Variants in FER observed in about 807,000 individuals in gnomAD.
FER encodes the protein FER tyrosine kinase, also known as tyrosine-protein kinase Fer.
FER carries 63 observed loss-of-function variants against 111.0 expected under a neutral mutation model. That is an observed-to-expected ratio of 0.57 (90% confidence interval 0.46 to 0.70). The LOEUF is 0.70. Among genes scored for constraint, FER ranks in the 30% least tolerant of loss-of-function variants. The pLI is 0.00. For missense variants in FER, 914 were observed against 954.0 expected, an observed-to-expected ratio of 0.96 and a Z score of 0.55; for synonymous variants, 327 against 313.9, an observed-to-expected ratio of 1.04 and a Z score of -0.44.
chr5:109,002,684 C>A (rs527667218), intron 13 of FER, among the ~76,000 whole-genome samples: 3 of 152,130 alleles, frequency 2.0e-5, no homozygotes, highest in African/African-American at 7.2e-5. Flanking sequence ...AGTGAACAGG[C>A]AACCTACAAA....
At chr5:108,777,590 T>A (rs1753629083) in intron 2 of FER, among the ~76,000 whole-genome samples, 1 of 152,198 alleles carries the variant, frequency 6.6e-6, no homozygotes. Flanking sequence ...TATTCATTCC[T>A]CTCTTCCCTC....
intron 2 of FER, among the ~76,000 whole-genome samples, chr5:108,791,557 G>A (rs6594338): frequency 0.43 from 64,531 of 148,852 alleles, 15,977 homozygotes; most frequent in African/African-American, 0.68. Flanking sequence ...ACACACATAT[G>A]TGTATATACA....
At chr5:108,936,092 A>G (rs1255950833) in intron 10 of FER, among the ~76,000 whole-genome samples, 1 of 152,046 alleles carries the variant, frequency 6.6e-6, no homozygotes, top group Non-Finnish European at 1.5e-5. Flanking sequence ...CTGCTTGACC[A>G]CATGACGTTC....
At position 108,777,512 on chromosome 5, in the gene FER, A is replaced by G. The variant is rs144565276; in HGVS notation, c.-60+9274A>G. 9.9e-3 allele frequency among the ~76,000 whole-genome samples: 1,502 copies of G among 152,308 alleles called. 12 individuals are homozygous for G. The highest frequency in any genetic ancestry group is 0.014 in the Admixed American group (207 of 15,296). ...TATGGGTTTGGAAAAATATACAGTGACATGTATGCACCATTATAGCATCAT... is the reference window on the plus strand; with the variant it reads ...TATGGGTTTGGAAAAATATACAGTGGCATGTATGCACCATTATAGCATCAT... On this transcript the variant is annotated intron_variant, in intron 2 of 19. Transcript: ENST00000281092.
intron 13 of FER, among the ~76,000 whole-genome samples, chr5:109,009,995 C>G (rs189459686): frequency 2.6e-5 from 4 of 152,264 alleles, no homozygotes; most frequent in Admixed American, 2.6e-4. Context: ...AAGTAAGTAA[C>G]AAGACTAACT....
intron 10 of FER, among the ~76,000 whole-genome samples, chr5:108,929,224 A>G (rs920390144): frequency 6.6e-6 from 1 of 152,148 alleles, no homozygotes; most frequent in African/African-American, 2.4e-5. Context: ...TTTGTTTGTG[A>G]TAGTAAAAAA....
intron 13 of FER, among the ~76,000 whole-genome samples, chr5:108,994,613 G>C (rs985873652): frequency 1.3e-5 from 2 of 152,060 alleles, no homozygotes; most frequent in Non-Finnish European, 1.5e-5. Context: ...GGTTCTATAT[G>C]AATTTTAAAG....
chr5:108,785,275 C>A, intron 2 of FER: 1 of 549,138 alleles, frequency 1.8e-6, no homozygotes, highest in Non-Finnish European at 3.5e-6. Context: ...TCAACGAAGG[C>A]AAACACCTTT....
intron 10 of FER, among the ~76,000 whole-genome samples, chr5:108,928,239 G>A (rs956502730): frequency 3.9e-5 from 6 of 152,240 alleles, no homozygotes; most frequent in Admixed American, 3.9e-4. Flanking sequence ...TGTTACGGTG[G>A]ATTTTAAAAT....
At chr5:109,007,737 A>G (rs11958129) in intron 13 of FER, among the ~76,000 whole-genome samples, 28,176 of 152,158 alleles carry the variant, frequency 0.19, 2,767 homozygotes, top group Non-Finnish European at 0.22. Context: ...AAAGCGTTTT[A>G]TGTCAACATT....
chr5:109,094,806 C>A (rs1329308854), intron 16 of FER, among the ~76,000 whole-genome samples: 1 of 152,112 alleles, frequency 6.6e-6, no homozygotes, highest in Non-Finnish European at 1.5e-5. Flanking sequence ...AAATCACCGC[C>A]TTAAAAATGT....
At chr5:109,183,868 A>T (rs1376249283) in intron 18 of FER, among the ~76,000 whole-genome samples, 1 of 152,220 alleles carries the variant, frequency 6.6e-6, no homozygotes, top group African/African-American at 2.4e-5. Flanking sequence ...AAGCAATACT[A>T]AAGGGCCTTC....
At chr5:108,978,157 C>T (rs1331247859) in intron 13 of FER, among the ~76,000 whole-genome samples, 1 of 152,128 alleles carries the variant, frequency 6.6e-6, no homozygotes, top group East Asian at 1.9e-4. Flanking sequence ...ACTCCTGTTT[C>T]TCTTGTTTGC....
At chr5:109,146,213 T>TATATATATATTATCTATCTA (rs1754103731) in intron 17 of FER, among the ~76,000 whole-genome samples, 1 of 137,880 alleles carries the variant, frequency 7.3e-6, no homozygotes, top group Non-Finnish European at 1.5e-5. Flanking sequence ...ATCTATTTTA[T>TATATATATATTATCTATCTA]ATATATATAT....
Position 108,867,775 on chromosome 5 carries a change from A to C in FER, c.490A>C (p.Thr164Pro), listed in dbSNP as rs779457428. The C allele has an allele frequency of 5.9e-5, 95 of 1,600,912 alleles. No homozygotes were observed. In the Middle Eastern group the frequency reaches 9.9e-4, roughly 17 times the overall value. The stretch of plus-strand genomic sequence containing the variant: ...GTTTTTTTTTTTTTCAGGGAAGGAA[A>C]CTGAAAAGGCCAAGGAACGATACGA... ...YKEALAKGKE[T>P]EKAKERYDKA... Residue 164 changes from threonine (T) to proline (P), a missense_variant, in exon 6 of 20, where the codon ACT becomes CCT. Physicochemically the swap from Thr to Pro is conservative, Grantham distance 38. Coordinates refer to ENST00000281092, the MANE Select transcript of FER (RefSeq NM_005246.4).
chr5:109,046,187 A>C (rs549544847), intron 15 of FER, among the ~76,000 whole-genome samples: 105 of 152,250 alleles, frequency 6.9e-4, no homozygotes, highest in African/African-American at 2.4e-3. Context: ...CCATTTGCCA[A>C]CTTTCTCAGA....
At chr5:109,125,709 G>A (rs1196412687) in intron 17 of FER, among the ~76,000 whole-genome samples, 1 of 152,138 alleles carries the variant, frequency 6.6e-6, no homozygotes, top group East Asian at 1.9e-4. Flanking sequence ...TAACAGAACT[G>A]GATTTTTTCT....
intron 10 of FER, among the ~76,000 whole-genome samples, chr5:108,901,778 C>T (rs961203358): frequency 6.6e-6 from 1 of 152,064 alleles, no homozygotes; most frequent in Non-Finnish European, 1.5e-5. Flanking sequence ...ATGGCAAAAC[C>T]TTGTCTCTAC....
At chr5:109,050,510 T>C (rs989921606) in intron 16 of FER, among the ~76,000 whole-genome samples, 2 of 152,198 alleles carry the variant, frequency 1.3e-5, no homozygotes, top group African/African-American at 4.8e-5. Context: ...CATGGCTTGA[T>C]TCCCTGACTC....
Sources: allele counts gnomAD v4.1 joint callset (sites outside exome capture counted in the v4.1 genomes callset), GRCh38; gene constraint gnomAD v4.1.1; transcripts MANE v1.5; gene names NCBI Gene and HGNC (gene_info 2026-07-23, HGNC 2026-07-21).